Variants in ACYP2 observed in about 807,000 individuals in gnomAD.
ACYP2 encodes the protein acylphosphatase-2.
In ACYP2, 12 loss-of-function variants were observed where a neutral mutation model predicts 11.2. The ratio of observed to expected loss-of-function variants is 1.08; its 90% CI spans 0.69 to 1.74. The LOEUF is 1.74. Among genes scored for constraint, ACYP2 ranks in the 40% most tolerant of loss-of-function variants. The pLI, the probability that ACYP2 is intolerant of heterozygous loss-of-function variation, is 0.00. For synonymous variants in ACYP2, 43 were observed against 32.2 expected (o/e 1.33, Z -1.13); for missense variants, 134 against 101.9 (o/e 1.31, Z -1.35).
At chr2:53,992,860 C>T (rs192745251) in intron 2 of ACYP2, among the ~76,000 whole-genome samples, 86 of 149,182 alleles carry the variant, frequency 5.8e-4, no homozygotes, top group African/African-American at 1.9e-3. Context: ...TTTCCAGTGA[C>T]GGGAAGCAAA....
intron 2 of ACYP2, among the ~76,000 whole-genome samples, chr2:54,018,235 C>A (rs896246292): frequency 3.1e-4 from 47 of 152,160 alleles, no homozygotes; most frequent in African/African-American, 1.1e-3. Flanking sequence ...GCCCCTCCCC[C>A]AGAGTTGCTG....
chr2:54,177,711 G>A (rs151066411), intron 6 of ACYP2, among the ~76,000 whole-genome samples: 1,583 of 151,602 alleles, frequency 0.01, 24 homozygotes, highest in African/African-American at 0.037. Context: ...CCAAGTAGCT[G>A]GGACTACAGG....
chr2:54,235,281 T>G (rs754631654), intron 6 of ACYP2, among the ~76,000 whole-genome samples: 3,485 of 151,986 alleles, frequency 0.023, 85 homozygotes, highest in Non-Finnish European at 0.025. Context: ...AAGACAGGTT[T>G]TTTTTTTTAA....
At chr2:53,989,545 A>G (rs1421584506) in intron 2 of ACYP2, among the ~76,000 whole-genome samples, 1 of 151,670 alleles carries the variant, frequency 6.6e-6, no homozygotes, top group South Asian at 2.1e-4. Context: ...ATCTGAACCC[A>G]CTTGCTAGAT....
intron 6 of ACYP2, among the ~76,000 whole-genome samples, chr2:54,199,275 G>A (rs1164407541): frequency 6.6e-6 from 1 of 152,152 alleles, no homozygotes; most frequent in African/African-American, 2.4e-5. Flanking sequence ...ATGGGACATC[G>A]TGAACACCAT....
chr2:54,269,129 G>T (rs1450247151), intron 6 of ACYP2, among the ~76,000 whole-genome samples: 4 of 152,104 alleles, frequency 2.6e-5, no homozygotes, highest in Non-Finnish European at 5.9e-5. Flanking sequence ...ATTATTATTT[G>T]TAGAGACAGG....
chr2:54,283,179 T>C (rs1688920577), intron 6 of ACYP2, among the ~76,000 whole-genome samples: 1 of 152,252 alleles, frequency 6.6e-6, no homozygotes, highest in Admixed American at 6.5e-5. Context: ...ATCATACATA[T>C]ACAATTCCTG....
At chr2:54,154,255 T>A (rs1377533130) in intron 6 of ACYP2, among the ~76,000 whole-genome samples, 3 of 152,196 alleles carry the variant, frequency 2.0e-5, no homozygotes, top group Non-Finnish European at 4.4e-5. Flanking sequence ...AAGTTTTTCC[T>A]TTCCTATTTG....
intron 6 of ACYP2, among the ~76,000 whole-genome samples, chr2:54,164,765 C>T (rs1682879654): frequency 6.6e-6 from 1 of 152,092 alleles, no homozygotes; most frequent in Admixed American, 6.6e-5. Context: ...GATAGGTATA[C>T]ATGTGCCATG....
intron 3 of ACYP2, among the ~76,000 whole-genome samples, chr2:54,056,947 C>A (rs1041729293): frequency 6.6e-6 from 1 of 152,118 alleles, no homozygotes; most frequent in Non-Finnish European, 1.5e-5. Context: ...TTTAATATAT[C>A]TAACTGATAT....
intron 6 of ACYP2, among the ~76,000 whole-genome samples, chr2:54,280,035 C>A (rs1192454817): frequency 6.6e-6 from 1 of 152,106 alleles, no homozygotes; most frequent in Admixed American, 6.5e-5. Context: ...TCATTCCTGA[C>A]CAAGACCCAC....
intron 6 of ACYP2, among the ~76,000 whole-genome samples, chr2:54,302,707 T>TCTTCCC (rs1689773645): frequency 6.6e-6 from 1 of 152,104 alleles, no homozygotes; most frequent in Non-Finnish European, 1.5e-5. Context: ...GAGCCTCTGA[T>TCTTCCC]CTTCCCCTTC....
At chr2:54,207,576 A>G (rs1387520101) in intron 6 of ACYP2, among the ~76,000 whole-genome samples, 1 of 152,232 alleles carries the variant, frequency 6.6e-6, no homozygotes, top group Non-Finnish European at 1.5e-5. Flanking sequence ...AAGTTGACAC[A>G]TAAAATGTAA....
At chr2:54,112,482 T>C (rs1453815952) in intron 4 of ACYP2, among the ~76,000 whole-genome samples, 1 of 152,216 alleles carries the variant, frequency 6.6e-6, no homozygotes, top group Admixed American at 6.5e-5. Context: ...GCTTATACCC[T>C]TGATTTGATA....
intron 4 of ACYP2, among the ~76,000 whole-genome samples, chr2:54,104,812 G>C (rs577463183): frequency 6.6e-6 from 1 of 152,316 alleles, no homozygotes; most frequent in Admixed American, 6.5e-5. Context: ...CTGGAGATGG[G>C]AAGAACACTC....
At chr2:54,058,709 A>ATTTTTT (rs58430648) in intron 4 of ACYP2, among the ~76,000 whole-genome samples, 1 of 135,298 alleles carries the variant, frequency 7.4e-6, no homozygotes, top group Non-Finnish European at 1.6e-5. Flanking sequence ...CTGGCTGATA[A>ATTTTTT]TTTTTTTTTT....
rs534962579 is a variant in ACYP2, at chr2:54,039,394, C to T, written c.63-11564C>T. On this transcript the variant is annotated intron_variant, in intron 2 of 6. Coordinates refer to ENST00000607452, the MANE Select transcript of ACYP2 (RefSeq NM_001320586.2). ...GCAACCTCTGCCTCCCAGGCTCAAG[C>T]GATCCTCCCGCCTCAGCCTCCCTAG... Among the ~76,000 whole-genome samples, 7 of 151,542 alleles carry T rather than the reference C, an allele frequency of 4.6e-5. No individual in the cohort carries two copies. The South Asian group carries it at 8.4e-4, about 18-fold the overall frequency.
chr2:54,198,262 G>A (rs1572921180), intron 6 of ACYP2, among the ~76,000 whole-genome samples: 2 of 152,100 alleles, frequency 1.3e-5, no homozygotes, highest in East Asian at 3.9e-4. Flanking sequence ...TGATCCACCT[G>A]CCTCGGCCTC....
rs79696306 is a variant in ACYP2 at position 54,264,538 on chromosome 2, G to A, written c.405-40150G>A. Among the ~76,000 whole-genome samples, 769 of 152,300 alleles carry A rather than the reference G, an allele frequency of 5.0e-3. 5 individuals are homozygous for A. Among genetic ancestry groups the A allele is most frequent in the East Asian group, 0.019 (101 of 5,184 alleles). ...AAGCAGGAGACTAGCCAGGAAGGGC[G>A]GAAGCCAGGCAGACAGTGCTGCAAA... On this transcript the variant is annotated intron_variant, in intron 6 of 6. Coordinates refer to ENST00000607452, the MANE Select transcript of ACYP2 (RefSeq NM_001320586.2).
Sources: allele counts gnomAD v4.1 joint callset (sites outside exome capture counted in the v4.1 genomes callset), GRCh38; gene constraint gnomAD v4.1.1; transcripts MANE v1.5; gene names NCBI Gene and HGNC (gene_info 2026-07-23, HGNC 2026-07-21).